The following SYT1 variants were observed in gnomAD, a reference collection of about 807,000 sequenced individuals.
SYT1 encodes the protein synaptotagmin-1.
SYT1 carries 8 observed loss-of-function variants against 44.8 expected under a neutral mutation model. That is an observed-to-expected ratio of 0.18 (90% CI 0.10 to 0.32). The LOEUF (loss-of-function observed/expected upper bound fraction) is 0.32, where lower values mean the gene tolerates loss of function less well. Ranked by LOEUF, SYT1 falls within the 10% of genes least tolerant of loss-of-function variation. The pLI is 1.00. For synonymous variants in SYT1, 154 were observed against 188.8 expected, an observed-to-expected ratio of 0.82 and a Z score of 1.51; for missense variants, 286 against 509.3, an observed-to-expected ratio of 0.56 and a Z score of 4.22.
chr12:79,208,815 T>A (rs1874271648), intron 3 of SYT1, among the ~76,000 whole-genome samples: 1 of 152,210 alleles, frequency 6.6e-6, no homozygotes, highest in African/African-American at 2.4e-5. Context: ...GTTTGTTCTC[T>A]TCTTAAAGTA....
intron 3 of SYT1, among the ~76,000 whole-genome samples, chr12:79,179,956 T>C (rs756345263): frequency 2.2e-4 from 34 of 152,122 alleles, no homozygotes; most frequent in Non-Finnish European, 4.3e-4. Flanking sequence ...TATCAGAATT[T>C]ACTCAACCAA....
chr12:79,308,385 G>C (rs1373358035), intron 8 of SYT1, among the ~76,000 whole-genome samples: 1 of 152,008 alleles, frequency 6.6e-6, no homozygotes, highest in Non-Finnish European at 1.5e-5. Context: ...TTAGCCCGGT[G>C]TTGTGGCGCA....
intron 4 of SYT1, among the ~76,000 whole-genome samples, chr12:79,245,198 GCT>G (rs1350624354): frequency 3.3e-5 from 5 of 151,666 alleles, no homozygotes. Flanking sequence ...GGGCGCGGTG[GCT>G]CACGCCTGTA....
At chr12:79,160,578 A>G (rs1010124692) in intron 3 of SYT1, among the ~76,000 whole-genome samples, 10 of 152,116 alleles carry the variant, frequency 6.6e-5, no homozygotes, top group African/African-American at 2.4e-4. Flanking sequence ...TGGTCCCAAT[A>G]AGAGATACAG....
intron 7 of SYT1, among the ~76,000 whole-genome samples, chr12:79,296,979 AAT>A (rs749861510): frequency 6.6e-6 from 1 of 152,198 alleles, no homozygotes; most frequent in Non-Finnish European, 1.5e-5. Flanking sequence ...TACTTAGAAC[AAT>A]ATGTTTCTGA....
intron 1 of SYT1, among the ~76,000 whole-genome samples, chr12:78,871,515 C>G (rs1243949619): frequency 2.6e-5 from 4 of 151,926 alleles, no homozygotes; most frequent in African/African-American, 9.7e-5. Flanking sequence ...AATACGGAAA[C>G]TGCCTACCTG....
At chr12:79,188,585 C>T (rs982519736) in intron 3 of SYT1, among the ~76,000 whole-genome samples, 1 of 152,080 alleles carries the variant, frequency 6.6e-6, no homozygotes, top group Admixed American at 6.6e-5. Flanking sequence ...TGACCACAGG[C>T]AAAGCCATAA....
chr12:79,340,077 T>C (rs577677600), intron 8 of SYT1, among the ~76,000 whole-genome samples: 46 of 152,358 alleles, frequency 3.0e-4, no homozygotes, highest in African/African-American at 1.1e-3. Context: ...ACTGTAGCCT[T>C]GTAGTATAGT....
intron 2 of SYT1, among the ~76,000 whole-genome samples, chr12:79,017,608 G>A (rs1592666221): frequency 6.6e-6 from 1 of 152,082 alleles, no homozygotes; most frequent in African/African-American, 2.4e-5. Context: ...GTGGGGAGGG[G>A]ACTTCAACCT....
intron 3 of SYT1, among the ~76,000 whole-genome samples, chr12:79,170,690 G>T (rs2138347943): frequency 6.6e-6 from 1 of 152,160 alleles, no homozygotes. Context: ...CTGTGCAGAA[G>T]CTCTTTAGTT....
chr12:78,921,417 T>G (rs1401734720), intron 1 of SYT1, among the ~76,000 whole-genome samples: 1 of 152,030 alleles, frequency 6.6e-6, no homozygotes, highest in Non-Finnish European at 1.5e-5. Context: ...CTAGTTATTA[T>G]TTTTAAATCA....
At chr12:79,025,718 G>GTATTCA (rs754291729) in intron 2 of SYT1, among the ~76,000 whole-genome samples, 9 of 151,360 alleles carry the variant, frequency 5.9e-5, no homozygotes, top group Admixed American at 2.0e-4. Context: ...TACTTGTAAT[G>GTATTCA]TATGCATTCA....
chr12:79,033,603 A>C (rs1222079362), intron 2 of SYT1, among the ~76,000 whole-genome samples: 1 of 151,254 alleles, frequency 6.6e-6, no homozygotes, highest in Non-Finnish European at 1.5e-5. Context: ...AGTATGTTTC[A>C]TCCATTGAAG....
chr12:79,316,632 C>G (rs971785986), intron 8 of SYT1, among the ~76,000 whole-genome samples: 1 of 152,198 alleles, frequency 6.6e-6, no homozygotes, highest in African/African-American at 2.4e-5. Flanking sequence ...TCACTAGCCT[C>G]CACGATGATG....
At chr12:79,100,392 A>G (rs1878378456) in intron 3 of SYT1, among the ~76,000 whole-genome samples, 1 of 152,164 alleles carries the variant, frequency 6.6e-6, no homozygotes, top group African/African-American at 2.4e-5. Context: ...CTGGTCTGCT[A>G]AGAAGTCATA....
chr12:79,211,506 T>C (rs1472311739), intron 3 of SYT1, among the ~76,000 whole-genome samples: 2 of 152,026 alleles, frequency 1.3e-5, no homozygotes, highest in Non-Finnish European at 2.9e-5. Flanking sequence ...TAGTTACATA[T>C]GTATACATGT....
intron 3 of SYT1, among the ~76,000 whole-genome samples, chr12:79,080,581 A>G (rs899057567): frequency 1.3e-5 from 2 of 152,194 alleles, no homozygotes; most frequent in Non-Finnish European, 2.9e-5. Context: ...AAGACAAAAA[A>G]AAATCACAAA....
chr12:79,022,356 A>G (rs1400645487), intron 2 of SYT1, among the ~76,000 whole-genome samples: 2 of 151,826 alleles, frequency 1.3e-5, no homozygotes, highest in Non-Finnish European at 1.5e-5. Flanking sequence ...AGTGGCTCTC[A>G]AAGTATGATC....
intron 2 of SYT1, among the ~76,000 whole-genome samples, chr12:79,033,078 A>G (rs1450410691): frequency 6.6e-6 from 1 of 151,362 alleles, no homozygotes; most frequent in Non-Finnish European, 1.5e-5. Context: ...TCTCTTGAAT[A>G]TGTTCTTTTG....
Sources: gnomAD v4.1 joint callset for allele counts (sites outside exome capture counted in the v4.1 genomes callset) on GRCh38, gnomAD v4.1.1 for gene constraint, MANE v1.5 for transcripts, NCBI Gene and HGNC (gene_info 2026-07-23, HGNC 2026-07-21) for gene names.